Variants in MAPK10 observed in about 807,000 individuals in gnomAD.
MAPK10 encodes JNK3 alpha protein kinase.
A neutral mutation model predicts 59.3 loss-of-function variants in MAPK10; 25 were observed. The ratio of observed to expected loss-of-function variants is 0.42; its 90% CI spans 0.31 to 0.59. The LOEUF (loss-of-function observed/expected upper bound fraction) is 0.59. MAPK10 is among the 20% of genes least tolerant of loss of function. The pLI is 0.15. For synonymous variants in MAPK10, 190 were observed against 200.5 expected (o/e 0.95, Z 0.44); for missense variants, 351 against 568.9 (o/e 0.62, Z 3.90).
At chr4:86,090,026 A>G (rs1166239486) in intron 9 of MAPK10, among the ~76,000 whole-genome samples, 1 of 152,162 alleles carries the variant, frequency 6.6e-6, no homozygotes, top group Non-Finnish European at 1.5e-5. Context: ...AGGTGGAATT[A>G]TAATGGTCTC....
intron 3 of MAPK10, among the ~76,000 whole-genome samples, chr4:86,187,968 T>C (rs2077729068): frequency 6.6e-6 from 1 of 152,150 alleles, no homozygotes; most frequent in African/African-American, 2.4e-5. Flanking sequence ...GTTCTCATTG[T>C]TCAGCTCCCA....
intron 2 of MAPK10, among the ~76,000 whole-genome samples, chr4:86,274,447 CT>C (rs1387795982): frequency 1.3e-5 from 2 of 151,378 alleles, no homozygotes; most frequent in South Asian, 2.1e-4. Context: ...AATGTATAAT[CT>C]TTTTTTTTCC....
intron 2 of MAPK10, among the ~76,000 whole-genome samples, chr4:86,338,088 G>A (rs1722621228): frequency 1.3e-5 from 2 of 152,100 alleles, no homozygotes; most frequent in South Asian, 4.1e-4. Flanking sequence ...ATTCACAGTA[G>A]TGTCCCCCCA....
chr4:86,517,568 C>A (rs1487355090), intron 1 of MAPK10, among the ~76,000 whole-genome samples: 1 of 152,088 alleles, frequency 6.6e-6, no homozygotes, highest in Non-Finnish European at 1.5e-5. Flanking sequence ...AGCTACCGCA[C>A]CCGGCCTATT....
chr4:86,338,028 A>C (rs1688740278), intron 2 of MAPK10, among the ~76,000 whole-genome samples: 1 of 152,220 alleles, frequency 6.6e-6, no homozygotes, highest in African/African-American at 2.4e-5. Flanking sequence ...TGTGGAAATT[A>C]TAAAAATAAT....
intron 1 of MAPK10, among the ~76,000 whole-genome samples, chr4:86,414,958 G>A (rs1745672090): frequency 6.6e-6 from 1 of 151,710 alleles, no homozygotes; most frequent in South Asian, 2.1e-4. Context: ...AACAACATAG[G>A]GATACACTGT....
chr4:86,363,153 G>T (rs531848032), upstream of MAPK10, among the ~76,000 whole-genome samples: 1 of 152,122 alleles, frequency 6.6e-6, no homozygotes, highest in Admixed American at 6.5e-5. Flanking sequence ...AGGGGAAAAA[G>T]AATAAAAGAT....
chr4:86,380,245 AC>A (rs1740482884), intron 1 of MAPK10, among the ~76,000 whole-genome samples: 1 of 151,832 alleles, frequency 6.6e-6, no homozygotes, highest in South Asian at 2.1e-4. Flanking sequence ...AAACAAACAA[AC>A]AAAAAAAACC....
chr4:86,095,439 A>G (rs1173093288), intron 9 of MAPK10: 1 of 151,884 alleles, frequency 6.6e-6, no homozygotes, highest in Non-Finnish European at 1.5e-5. Context: ...TTCAGCCTCA[A>G]AGTAATTTAA....
intron 1 of MAPK10, among the ~76,000 whole-genome samples, chr4:86,483,253 C>T (rs747875991): frequency 6.6e-6 from 1 of 152,026 alleles, no homozygotes; most frequent in Admixed American, 6.6e-5. Context: ...GAATCCTCAC[C>T]GATTCTTCTC....
Position 86,424,801 on chromosome 4 carries a change from G to T in MAPK10, c.-122+28229C>A, listed in dbSNP as rs189071085. ...TCTGAAAAGATGAATCAGAAAAGAA[G>T]AATTGTGACTAATTTGATATGAAGA... On this transcript the variant is annotated intron_variant, in intron 1 of 13. Transcript: ENST00000361569. Among the ~76,000 whole-genome samples, 7 of 152,274 alleles carry T rather than the reference G, an allele frequency of 4.6e-5. No individual in the cohort carries two copies. The East Asian group carries it at 1.2e-3, about 25-fold the overall frequency.
chr4:86,486,802 T>C (rs1754029971), intron 1 of MAPK10, among the ~76,000 whole-genome samples: 1 of 152,178 alleles, frequency 6.6e-6, no homozygotes, highest in African/African-American at 2.4e-5. Flanking sequence ...ATAGTAACTA[T>C]ATGGTGGAGA....
chr4:86,179,296 T>C (rs949902279), intron 3 of MAPK10, among the ~76,000 whole-genome samples: 4 of 152,040 alleles, frequency 2.6e-5, no homozygotes, highest in African/African-American at 9.7e-5. Context: ...GGAATAAATT[T>C]AACCAAGGAG....
chr4:86,387,447 T>G (rs759568188), intron 1 of MAPK10, among the ~76,000 whole-genome samples: 8 of 152,314 alleles, frequency 5.3e-5, no homozygotes, highest in Non-Finnish European at 1.0e-4. Context: ...AACAACTATT[T>G]AGGTTGTGCA....
Position 86,010,463 on chromosome 4 carries a change from A to T in MAPK10, c.*6765T>A, listed in dbSNP as rs536272851. 14 of 152,340 alleles carry T rather than the reference A, an allele frequency of 9.2e-5. 1 individual carries two copies. In the South Asian group the frequency reaches 2.9e-3, roughly 32 times the overall value. 9.4% of individuals were successfully genotyped at this position (152,340 alleles called of 1,614,324 possible). ...TTTTAGGTTAAGGACCATGCAATAT[A>T]TATCTCCTACACCGAAGTGTCCAAG... is the stretch of plus-strand genomic sequence containing the variant. On this transcript the variant is annotated 3_prime_UTR_variant, in exon 14 of 14. Transcript: ENST00000641462.
intron 4 of MAPK10, among the ~76,000 whole-genome samples, chr4:86,147,376 TACAA>T (rs1481662914): frequency 1.3e-5 from 2 of 152,166 alleles, no homozygotes; most frequent in African/African-American, 4.8e-5. Flanking sequence ...TATTTCAGTT[TACAA>T]ACAATGAATC....
chr4:86,052,328 A>C lies in MAPK10; in HGVS notation c.1110+11938T>G, dbSNP rs1046150880. 2.7e-4 allele frequency among the ~76,000 whole-genome samples: 41 copies of C among 152,136 alleles called. 1 individual carries two copies. Among genetic ancestry groups the C allele is most frequent in the Non-Finnish European group, 7.4e-5 (5 of 68,018 alleles). ...AAGAGTAACTTATCAGCATTTTTGC[A>C]GTCCCCTCCCCCCATCCACTGAAAA... On this transcript the variant is annotated intron_variant, in intron 11 of 13. Transcript: ENST00000641462.
intron 2 of MAPK10, among the ~76,000 whole-genome samples, chr4:86,339,624 T>G (rs776565200): frequency 2.0e-5 from 3 of 152,242 alleles, no homozygotes; most frequent in Non-Finnish European, 4.4e-5. Context: ...TGTTTCACCA[T>G]TCTCTCACTG....
rs527959559 is a variant in MAPK10 at position 86,409,808 on chromosome 4, C to T, written c.-122+43222G>A. Among the ~76,000 whole-genome samples the T allele has an allele frequency of 2.0e-5, 3 of 152,248 alleles. No individual in the cohort carries two copies. In the South Asian group the frequency reaches 6.2e-4, roughly 32 times the overall value. On this transcript the variant is annotated intron_variant, in intron 1 of 13. Transcript: ENST00000361569. Reference sequence around the variant, plus strand: ...AGCTTAAGGAGATTTTGGGCTCAGACAATGGGGTTTTCTCAATATACAATT... The same window carrying T: ...AGCTTAAGGAGATTTTGGGCTCAGATAATGGGGTTTTCTCAATATACAATT...
Sources: gnomAD v4.1 joint callset for allele counts (sites outside exome capture counted in the v4.1 genomes callset) on GRCh38, gnomAD v4.1.1 for gene constraint, MANE v1.5 for transcripts, NCBI Gene and HGNC (gene_info 2026-07-23, HGNC 2026-07-21) for gene names.